KDM1B: variants seen among roughly 807,000 people sequenced by gnomAD.
KDM1B encodes the protein lysine demethylase 1B, also known as lysine-specific histone demethylase 2.
A neutral mutation model predicts 107.4 loss-of-function variants in KDM1B; 63 were observed. The observed-to-expected ratio is 0.59, with a 90% CI of 0.48 to 0.72. KDM1B has a LOEUF of 0.72. Among genes scored for constraint, KDM1B ranks in the 30% least tolerant of loss-of-function variants. The probability of loss-of-function intolerance (pLI) is 0.00; values close to 1 mark genes in which losing one functional copy is unlikely to be tolerated. For missense variants in KDM1B, 749 were observed against 1,020.8 expected (o/e 0.73, Z 3.63); for synonymous variants, 363 against 363.9 (o/e 1.00, Z 0.03).
Position 18,208,199 on chromosome 6 carries a change from C to T in KDM1B, c.1859C>T (p.Ala620Val). 6.2e-7 allele frequency: 1 copy of T among 1,612,364 alleles called. No homozygotes were observed. The highest frequency in any genetic ancestry group is 8.5e-7 in the Non-Finnish European group (1 of 1,178,762). Residue 620 changes from alanine (A) to valine (V), a missense_variant, in exon 17 of 22, where the codon GCA becomes GTA. Ala to Val is a moderately conservative substitution (Grantham distance 64). Coordinates refer to ENST00000650836, the MANE Select transcript of KDM1B (RefSeq NM_001364614.2). Reference sequence around the variant, plus strand: ...ACTACAGATGGCACAGGGTATTCTGCACAAAAGGTAAGAGCTAGGGCAGTA... The same window carrying T: ...ACTACAGATGGCACAGGGTATTCTGTACAAAAGGTAAGAGCTAGGGCAGTA... Reference protein sequence around the residue: ...VTTTDGTGYSAQKVLVTVPLA... With the variant: ...VTTTDGTGYSVQKVLVTVPLA...
intron 15 of KDM1B, 84 bp from the exon 16 acceptor site, chr6:18,207,314 C>T: frequency 1.3e-6 from 2 of 1,512,938 alleles, no homozygotes; most frequent in Admixed American, 1.7e-5. Context: ...GGTGGCTGTT[C>T]CCACCTGGAG....
chr6:18,194,238 C>A (rs932271010), intron 10 of KDM1B, among the ~76,000 whole-genome samples: 9 of 152,188 alleles, frequency 5.9e-5, no homozygotes, highest in African/African-American at 2.2e-4. Context: ...TGGTCTCGAA[C>A]TCCTGACCTC....
intron 6 of KDM1B, among the ~76,000 whole-genome samples, chr6:18,169,550 C>A (rs977557867): frequency 6.6e-6 from 1 of 152,096 alleles, no homozygotes; most frequent in Non-Finnish European, 1.5e-5. Context: ...GGATACTAAA[C>A]CCTTATTAGA....
At chr6:18,207,830 G>A (rs1444019984) in intron 16 of KDM1B, among the ~76,000 whole-genome samples, 1 of 152,102 alleles carries the variant, frequency 6.6e-6, no homozygotes, top group Admixed American at 6.5e-5. Flanking sequence ...TCAAATCTTT[G>A]TCTCAGTGCA....
Position 18,200,398 on chromosome 6 carries a change from C to T in KDM1B, c.1222-41C>T, listed in dbSNP as rs751544054. The T allele has an allele frequency of 1.3e-6, 2 of 1,598,614 alleles. No homozygotes were observed. The highest frequency in any genetic ancestry group is 1.7e-6 in the Non-Finnish European group (2 of 1,170,622). ...TTATAATACTGTGTCTGATATAACT[C>T]TTGTGTCCTATTTAGCTTCCCTGAC... On this transcript the variant is annotated intron_variant, in intron 12 of 21. Transcript: ENST00000650836. This position sits in a 1 kb window ranked among gnomAD's most constrained non-coding sequence, Gnocchi z 4.3.
intron 15 of KDM1B, among the ~76,000 whole-genome samples, chr6:18,206,835 C>G (rs531341436): frequency 3.3e-5 from 5 of 152,252 alleles, no homozygotes; most frequent in Admixed American, 1.3e-4. Flanking sequence ...AGTATCCTTG[C>G]AAGTCTGGTC....
intron 20 of KDM1B, among the ~76,000 whole-genome samples, chr6:18,215,508 C>G (rs1414734944): frequency 6.6e-6 from 1 of 152,108 alleles, no homozygotes; most frequent in Admixed American, 6.5e-5. Context: ...ATCTCCTCTT[C>G]TTATGAGGAC....
rs747983669 is a variant in KDM1B at position 18,200,615 on chromosome 6, G to A, written c.1359+39G>A. ...AGCTTTGTGTTGTAGATAAAGGAAA[G>A]AAAAACAGTTTCAATTTGCTTGTGT... On this transcript the variant is annotated intron_variant, in intron 13 of 21. Transcript: ENST00000650836. The surrounding 1 kb of genome is among the most constrained non-coding windows in gnomAD (Gnocchi z 4.3). The A allele has an allele frequency of 5.4e-5, 85 of 1,581,048 alleles. No homozygotes were observed. The highest frequency in any genetic ancestry group is 7.1e-5 in the Non-Finnish European group (83 of 1,165,430).
At chr6:18,202,624 TGTA>T (rs1195185621) in intron 14 of KDM1B, among the ~76,000 whole-genome samples, 1 of 152,202 alleles carries the variant, frequency 6.6e-6, no homozygotes, top group Non-Finnish European at 1.5e-5. Flanking sequence ...TGGAGTTTCT[TGTA>T]GTGTGAACAT....
Position 18,159,787 on chromosome 6 carries a change from T to A in KDM1B, c.-13-96T>A. 1.5e-6 allele frequency: 1 copy of A among 670,224 alleles called. No individual in the cohort carries two copies. Among genetic ancestry groups the A allele is most frequent in the Non-Finnish European group, 2.6e-6 (1 of 385,278 alleles). 41.5% of individuals were successfully genotyped at this position (670,224 alleles called of 1,614,324 possible). A position where few individuals can be genotyped will look rare whatever the true frequency, so the allele number is the denominator to read the frequency against. On this transcript the variant is annotated intron_variant, in intron 2 of 21. Coordinates refer to ENST00000650836, the MANE Select transcript of KDM1B (RefSeq NM_001364614.2). This position sits in a 1 kb window ranked among gnomAD's most constrained non-coding sequence, Gnocchi z 4.5. ...AGCTTTGTATTTAGGCAATCTGACATACATTCTTACCTACCAAAGTGTATA... is the reference window on the plus strand; with the variant it reads ...AGCTTTGTATTTAGGCAATCTGACAAACATTCTTACCTACCAAAGTGTATA...
intron 5 of KDM1B, 109 bp downstream of exon 5, chr6:18,163,033 G>A: frequency 1.5e-6 from 1 of 678,082 alleles, no homozygotes; most frequent in Non-Finnish European, 2.7e-6. Flanking sequence ...GAATTATTCA[G>A]CTCTTTCAGC....
At chr6:18,173,429 A>G (rs1478839326) in intron 7 of KDM1B, among the ~76,000 whole-genome samples, 1 of 152,074 alleles carries the variant, frequency 6.6e-6, no homozygotes, top group Non-Finnish European at 1.5e-5. Context: ...TGTATTTTGA[A>G]TATTTTTTCC....
At chr6:18,166,428 C>T in intron 6 of KDM1B, 50 bp downstream of exon 6, 2 of 1,031,476 alleles carry the variant, frequency 1.9e-6, no homozygotes, top group Non-Finnish European at 3.1e-6. Flanking sequence ...GAGCCAAATG[C>T]AAGAGGCATG....
chr6:18,222,058 C>T lies in KDM1B; in HGVS notation c.*66C>T. 7.0e-7 allele frequency: 1 copy of T among 1,418,756 alleles called. No homozygotes were observed. Among genetic ancestry groups the T allele is most frequent in the Non-Finnish European group, 1.0e-6 (1 of 1,002,002 alleles). The allele number at this position is 1,418,756 out of a possible 1,614,324, so 87.9% of individuals were successfully genotyped here. On this transcript the variant is annotated 3_prime_UTR_variant, in exon 22 of 22. Transcript: ENST00000650836. ...GAAATTTGAATCACATGTTAAACCT[C>T]AGTTTTATAAGAGGGGGAAAAAACC...
rs750708612 is a variant in KDM1B at position 18,222,075 on chromosome 6, GA to G, written c.*89del. The G allele has an allele frequency of 8.3e-6, 10 of 1,211,880 alleles. No individual in the cohort carries two copies. Among genetic ancestry groups the G allele is most frequent in the Admixed American group, 1.7e-5 (1 of 59,210 alleles). The allele number at this position is 1,211,880 out of a possible 1,614,324, so 75.1% of individuals were successfully genotyped here. A position where few individuals can be genotyped will look rare whatever the true frequency, so the allele number is the denominator to read the frequency against. The stretch of plus-strand genomic sequence containing the variant: ...TTAAACCTCAGTTTTATAAGAGGGG[GA>G]AAAAACCGTCTCTACATAGTAAAAC... On this transcript the variant is annotated 3_prime_UTR_variant, in exon 22 of 22. Coordinates refer to ENST00000650836, the MANE Select transcript of KDM1B (RefSeq NM_001364614.2).
At chr6:18,217,579 G>C (rs371316430) in intron 20 of KDM1B, among the ~76,000 whole-genome samples, 154 bp from the exon 21 acceptor site, 1 of 151,908 alleles carries the variant, frequency 6.6e-6, no homozygotes, top group Non-Finnish European at 1.5e-5. Context: ...GGGTTTCACC[G>C]TGTTAGCCAG....
At chr6:18,184,144 A>C (rs922934252) in intron 7 of KDM1B, among the ~76,000 whole-genome samples, 2 of 152,054 alleles carry the variant, frequency 1.3e-5, no homozygotes, top group Non-Finnish European at 2.9e-5. Context: ...CACAGTCTTT[A>C]ACCCTTGCTC....
chr6:18,171,304 A>T, intron 6 of KDM1B, 59 bp from the exon 7 acceptor site: 1 of 869,236 alleles, frequency 1.2e-6, no homozygotes, highest in South Asian at 1.3e-5. Flanking sequence ...GGTGGAGGAT[A>T]GAAATGGTAA....
intron 7 of KDM1B, among the ~76,000 whole-genome samples, chr6:18,176,788 C>T (rs1293053368): frequency 6.6e-6 from 1 of 152,200 alleles, no homozygotes; most frequent in Non-Finnish European, 1.5e-5. Context: ...ACCATCCCTA[C>T]ATCCCTGGTA....
Sources: allele counts gnomAD v4.1 joint callset (sites outside exome capture counted in the v4.1 genomes callset), GRCh38; gene constraint gnomAD v4.1.1; non-coding constraint Gnocchi (gnomAD v3.1); transcripts MANE v1.5; gene names NCBI Gene and HGNC (gene_info 2026-07-23, HGNC 2026-07-21).